The following IKZF2 variants were observed in gnomAD, a reference collection of about 807,000 sequenced individuals.
The protein encoded by IKZF2 is zinc finger protein Helios.
A neutral mutation model predicts 49.2 loss-of-function variants in IKZF2; 15 were observed. That is an observed-to-expected ratio of 0.30 (90% CI 0.20 to 0.47). The LOEUF (loss-of-function observed/expected upper bound fraction) is 0.47. Among genes scored for constraint, IKZF2 ranks in the 20% least tolerant of loss-of-function variants. IKZF2 has a pLI of 1.00. For synonymous variants in IKZF2, 227 were observed against 221.4 expected (o/e 1.03, Z -0.23); for missense variants, 567 against 664.6 (o/e 0.85, Z 1.61).
At chr2:213,067,491 A>G (rs547410446) in intron 4 of IKZF2, among the ~76,000 whole-genome samples, 1 of 152,282 alleles carries the variant, frequency 6.6e-6, no homozygotes, top group South Asian at 2.1e-4. Context: ...GATACACTCA[A>G]TGGATAATAT....
At chr2:213,035,100 C>T (rs1283581430) in intron 6 of IKZF2, among the ~76,000 whole-genome samples, 5 of 152,040 alleles carry the variant, frequency 3.3e-5, no homozygotes, top group Admixed American at 2.0e-4. Flanking sequence ...CAAATTCTAA[C>T]CCTAATGCCA....
chr2:213,113,297 C>T (rs7565526), intron 4 of IKZF2, among the ~76,000 whole-genome samples: 6,070 of 152,128 alleles, frequency 0.04, 254 homozygotes, highest in African/African-American at 0.11. Flanking sequence ...ACAACTCCAA[C>T]TCATTCTGAA....
intron 4 of IKZF2, among the ~76,000 whole-genome samples, chr2:213,134,190 C>T (rs1046890894): frequency 5.0e-4 from 76 of 152,258 alleles, no homozygotes; most frequent in African/African-American, 1.7e-3. Flanking sequence ...GAAAAACCAG[C>T]GATCAGAGGA....
At chr2:213,109,960 A>G (rs1171559341) in intron 4 of IKZF2, among the ~76,000 whole-genome samples, 1 of 152,148 alleles carries the variant, frequency 6.6e-6, no homozygotes, top group East Asian at 1.9e-4. Flanking sequence ...ATAAAATGCA[A>G]TTAAAATTAT....
intron 4 of IKZF2, among the ~76,000 whole-genome samples, chr2:213,082,070 G>A (rs2125575655): frequency 6.6e-6 from 1 of 152,284 alleles, no homozygotes; most frequent in Non-Finnish European, 1.5e-5. Context: ...AAAGGCAAGT[G>A]AGGCTGACTA....
intron 4 of IKZF2, among the ~76,000 whole-genome samples, chr2:213,118,416 T>C (rs972369104): frequency 3.9e-5 from 6 of 152,224 alleles, no homozygotes; most frequent in African/African-American, 1.4e-4. Context: ...TCTAAGACTA[T>C]CGAGTATATG....
At chr2:213,056,278 T>C (rs1182079184) in intron 5 of IKZF2, among the ~76,000 whole-genome samples, 1 of 152,156 alleles carries the variant, frequency 6.6e-6, no homozygotes, top group Non-Finnish European at 1.5e-5. Flanking sequence ...CCTACATATA[T>C]CCTTGCAGGA....
chr2:213,149,764 A>C (rs1270957733), intron 2 of IKZF2, among the ~76,000 whole-genome samples: 416 of 106,388 alleles, frequency 3.9e-3, no homozygotes, highest in African/African-American at 4.9e-3. Flanking sequence ...CTTCTTCACC[A>C]CCACACTCCC....
intron 4 of IKZF2, among the ~76,000 whole-genome samples, chr2:213,129,218 A>G (rs2060385181): frequency 6.6e-6 from 1 of 151,566 alleles, no homozygotes; most frequent in South Asian, 2.1e-4. Flanking sequence ...GTGTGTTGGG[A>G]GAAGAGATAA....
At chr2:213,151,173 A>T (rs2061271607) in intron 1 of IKZF2, among the ~76,000 whole-genome samples, 1 of 152,060 alleles carries the variant, frequency 6.6e-6, no homozygotes, top group Non-Finnish European at 1.5e-5. Context: ...TCATTACCCT[A>T]ATCAGAACCA....
intron 6 of IKZF2, among the ~76,000 whole-genome samples, chr2:213,030,950 TGAGTAGCTGG>T (rs1225560616): frequency 1.3e-5 from 2 of 152,030 alleles, no homozygotes; most frequent in African/African-American, 4.8e-5. Flanking sequence ...CTCAGCCTCC[TGAGTAGCTGG>T]GACTACAGGC....
At chr2:213,056,257 T>G (rs185927844) in intron 5 of IKZF2, among the ~76,000 whole-genome samples, 1 of 152,182 alleles carries the variant, frequency 6.6e-6, no homozygotes, top group Non-Finnish European at 1.5e-5. Context: ...CCACTATTTG[T>G]CATATTCAAT....
chr2:213,067,334 G>A (rs760327648), intron 4 of IKZF2, among the ~76,000 whole-genome samples: 1 of 151,960 alleles, frequency 6.6e-6, no homozygotes. Flanking sequence ...GCTTTATGAA[G>A]GAAATGGCAT....
chr2:213,134,677 C>T (rs866775412), intron 4 of IKZF2, among the ~76,000 whole-genome samples: 1 of 152,194 alleles, frequency 6.6e-6, no homozygotes, highest in African/African-American at 2.4e-5. Flanking sequence ...AAGAAGTATG[C>T]TTCTTTCTCC....
intron 4 of IKZF2, among the ~76,000 whole-genome samples, chr2:213,126,849 T>C (rs1042235225): frequency 1.3e-4 from 20 of 152,164 alleles, no homozygotes; most frequent in Admixed American, 7.2e-4. Context: ...GAATAGGAAC[T>C]ACACATCAGA....
chr2:213,104,444 A>G (rs2059455661), intron 4 of IKZF2, among the ~76,000 whole-genome samples: 1 of 152,158 alleles, frequency 6.6e-6, no homozygotes, highest in Non-Finnish European at 1.5e-5. Flanking sequence ...GAGTGAAGAA[A>G]AAAGAGTTTC....
In IKZF2 at chr2:213,015,134, T is replaced by C. The variant is rs1026361615; in HGVS notation, c.713-1200A>G. The C allele has an allele frequency of 2.6e-5, 4 of 152,168 alleles. No individual in the cohort carries two copies. The East Asian group carries it at 7.7e-4, about 29-fold the overall frequency. The allele number at this position is 152,168 out of a possible 1,614,324, so 9.4% of individuals were successfully genotyped here. On this transcript the variant is annotated intron_variant, in intron 7 of 8. Transcript: ENST00000434687. Reference sequence around the variant, plus strand: ...TGCACAATTCAGTTGATGTATTTAATAACCAATAGGTTACCAATTTTGAAG... The same window carrying C: ...TGCACAATTCAGTTGATGTATTTAACAACCAATAGGTTACCAATTTTGAAG...
chr2:213,015,044 G>T (rs1022148593), intron 7 of IKZF2: 22 of 151,998 alleles, frequency 1.4e-4, no homozygotes, highest in African/African-American at 4.8e-4. Context: ...TCATTTATAA[G>T]GGGATCCTCT....
chr2:213,152,396 C>T (rs1271138992), upstream of IKZF2: 2 of 152,262 alleles, frequency 1.3e-5, no homozygotes, highest in Non-Finnish European at 2.9e-5. Flanking sequence ...AAGAGGGGTC[C>T]TGGGGAATAG....
Sources: allele counts gnomAD v4.1 joint callset (sites outside exome capture counted in the v4.1 genomes callset), GRCh38; gene constraint gnomAD v4.1.1; transcripts MANE v1.5; gene names NCBI Gene and HGNC (gene_info 2026-07-23, HGNC 2026-07-21).